Variants in WWOX observed in about 807,000 individuals in gnomAD.
WWOX encodes the protein WW domain containing oxidoreductase.
In WWOX, 69 loss-of-function variants were observed where a neutral mutation model predicts 46.2. That is an observed-to-expected ratio of 1.49 (90% CI 1.23 to 1.82). The LOEUF (loss-of-function observed/expected upper bound fraction) is 1.82, where lower values mean the gene tolerates loss of function less well. Among genes scored for constraint, WWOX ranks in the 40% most tolerant of loss-of-function variants. The probability of loss-of-function intolerance (pLI) is 0.00; values close to 1 mark genes in which losing one functional copy is unlikely to be tolerated. For synonymous variants in WWOX, 359 were observed against 202.6 expected, an observed-to-expected ratio of 1.77 and a Z score of -6.56; for missense variants, 919 against 542.6, an observed-to-expected ratio of 1.69 and a Z score of -6.89.
At chr16:78,361,259 T>C (rs2081404887) in intron 5 of WWOX, among the ~76,000 whole-genome samples, 1 of 152,198 alleles carries the variant, frequency 6.6e-6, no homozygotes, top group Non-Finnish European at 1.5e-5. Context: ...TGATGTGGTG[T>C]CTTTCTTAGT....
chr16:79,143,948 T>A (rs2050137619), intron 8 of WWOX, among the ~76,000 whole-genome samples: 1 of 152,210 alleles, frequency 6.6e-6, no homozygotes, highest in African/African-American at 2.4e-5. Context: ...TATGTTACCC[T>A]GGGTGGAGTG....
At chr16:78,732,225 G>A (rs550071396) in intron 8 of WWOX, among the ~76,000 whole-genome samples, 28 of 152,162 alleles carry the variant, frequency 1.8e-4, no homozygotes, top group East Asian at 1.4e-3. Context: ...TACAGGTGAC[G>A]CTGCAGACTC....
intron 8 of WWOX, among the ~76,000 whole-genome samples, chr16:78,450,614 C>T (rs1370277969): frequency 6.6e-6 from 1 of 152,140 alleles, no homozygotes; most frequent in Admixed American, 6.5e-5. Flanking sequence ...AATTTGGGAA[C>T]TTAAACTTTT....
chr16:78,598,204 C>G (rs2045535828), intron 8 of WWOX, among the ~76,000 whole-genome samples: 1 of 152,108 alleles, frequency 6.6e-6, no homozygotes, highest in African/African-American at 2.4e-5. Flanking sequence ...GAAGAAATGA[C>G]CACTTCTGGC....
chr16:78,454,941 G>A (rs74028005), intron 8 of WWOX, among the ~76,000 whole-genome samples: 18,247 of 152,238 alleles, frequency 0.12, 1,701 homozygotes, highest in African/African-American at 0.25. Context: ...ACTGTTTGAT[G>A]TGCTCCCCTC....
chr16:78,699,140 A>G (rs1234101407), intron 8 of WWOX, among the ~76,000 whole-genome samples: 1 of 152,220 alleles, frequency 6.6e-6, no homozygotes, highest in Non-Finnish European at 1.5e-5. Flanking sequence ...TCTGTGTTCC[A>G]GTAAAACTTT....
chr16:78,217,698 G>A (rs1368032306), intron 5 of WWOX, among the ~76,000 whole-genome samples: 2 of 152,052 alleles, frequency 1.3e-5, no homozygotes, highest in African/African-American at 2.4e-5. Flanking sequence ...GACGTTAAAG[G>A]CAAGATTCAT....
chr16:79,142,389 G>A (rs1053810481), intron 8 of WWOX, among the ~76,000 whole-genome samples: 1 of 152,196 alleles, frequency 6.6e-6, no homozygotes, highest in South Asian at 2.1e-4. Context: ...CCCATGTTTA[G>A]TGACATCATG....
At chr16:78,332,973 T>C (rs1017676902) in intron 5 of WWOX, among the ~76,000 whole-genome samples, 8 of 151,676 alleles carry the variant, frequency 5.3e-5, no homozygotes, top group East Asian at 1.9e-4. Context: ...CTTGTACTTA[T>C]AATATAAAAC....
chr16:78,492,185 A>G (rs951780716), intron 8 of WWOX, among the ~76,000 whole-genome samples: 14 of 152,174 alleles, frequency 9.2e-5, no homozygotes, highest in African/African-American at 2.9e-4. Context: ...TAGTTCCATT[A>G]GGTGACAGTG....
chr16:79,074,412 T>TG (rs1433840948), intron 8 of WWOX, among the ~76,000 whole-genome samples: 1 of 73,510 alleles, frequency 1.4e-5, no homozygotes, highest in Non-Finnish European at 2.6e-5. Context: ...ACTAGTCCTT[T>TG]TTTTTTTTTT....
At chr16:78,159,671 G>GT (rs1343670783) in intron 4 of WWOX, among the ~76,000 whole-genome samples, 4,703 of 83,370 alleles carry the variant, frequency 0.056, 129 homozygotes, top group Non-Finnish European at 0.065. Context: ...TAAAATCTGT[G>GT]GTTTTTTTTT....
At chr16:78,761,872 G>C (rs944721940) in intron 8 of WWOX, among the ~76,000 whole-genome samples, 16 of 152,136 alleles carry the variant, frequency 1.1e-4, no homozygotes, top group African/African-American at 3.9e-4. Context: ...TAGTTCATTA[G>C]TGCTAACTTA....
At chr16:78,657,695 G>A (rs1362642063) in intron 8 of WWOX, among the ~76,000 whole-genome samples, 1 of 152,138 alleles carries the variant, frequency 6.6e-6, no homozygotes, top group African/African-American at 2.4e-5. Flanking sequence ...GTGGACAAGA[G>A]GTCACATTGC....
intron 8 of WWOX, among the ~76,000 whole-genome samples, chr16:78,590,434 C>T (rs939160749): frequency 6.6e-6 from 1 of 152,204 alleles, no homozygotes; most frequent in African/African-American, 2.4e-5. Context: ...AAGAACCCTT[C>T]AACTCTAATA....
At chr16:78,710,494 A>ATATATATATATATATATATATATATT (rs1192148326) in intron 8 of WWOX, among the ~76,000 whole-genome samples, 2 of 135,642 alleles carry the variant, frequency 1.5e-5, no homozygotes, top group Admixed American at 7.7e-5. Context: ...ATATATATAT[A>ATATATATATATATATATATATATATT]TATATTTATA....
At chr16:78,803,083 T>C (rs931996018) in intron 8 of WWOX, among the ~76,000 whole-genome samples, 2 of 151,644 alleles carry the variant, frequency 1.3e-5, no homozygotes, top group African/African-American at 2.4e-5. Flanking sequence ...TTTTAAAAAA[T>C]GTCTTGGAAT....
At chr16:78,100,389 A>G (rs1267416510) in intron 1 of WWOX, among the ~76,000 whole-genome samples, 1 of 152,038 alleles carries the variant, frequency 6.6e-6, no homozygotes, top group African/African-American at 2.4e-5. Context: ...AGTGGCTGGG[A>G]CTACAAGCGT....
intron 8 of WWOX, among the ~76,000 whole-genome samples, chr16:78,667,832 G>T (rs1050388957): frequency 2.6e-5 from 4 of 152,066 alleles, no homozygotes; most frequent in Non-Finnish European, 2.9e-5. Context: ...TATGCTATAA[G>T]GCATCAGTGG....
Sources: gnomAD v4.1 joint callset for allele counts (sites outside exome capture counted in the v4.1 genomes callset) on GRCh38, gnomAD v4.1.1 for gene constraint, MANE v1.5 for transcripts, NCBI Gene and HGNC (gene_info 2026-07-23, HGNC 2026-07-21) for gene names.